The following BCAR1 variants were observed in gnomAD, a reference collection of about 807,000 sequenced individuals.
BCAR1 encodes the protein breast cancer anti-estrogen resistance protein 1.
BCAR1 carries 30 observed loss-of-function variants against 67.6 expected under a neutral mutation model. The observed-to-expected ratio is 0.44, with a 90% CI of 0.33 to 0.60. The LOEUF is 0.60. Among genes scored for constraint, BCAR1 ranks in the 20% least tolerant of loss-of-function variants. The probability of loss-of-function intolerance (pLI) is 0.02; values close to 1 mark genes in which losing one functional copy is unlikely to be tolerated. For synonymous variants in BCAR1, 626 were observed against 556.7 expected (o/e 1.12, Z -1.75); for missense variants, 1,313 against 1,222.3 (o/e 1.07, Z -1.11).
intron 1 of BCAR1, chr16:75,265,726 T>C (rs1300187297): frequency 1.7e-6 from 2 of 1,170,828 alleles, no homozygotes; most frequent in Non-Finnish European, 2.1e-6. Context: ...CGACCCCCAG[T>C]CCGGGAGCCA....
chr16:75,264,571 C>G (rs186362338), intron 1 of BCAR1: 1 of 1,356,074 alleles, frequency 7.4e-7, no homozygotes, highest in East Asian at 2.7e-5. Context: ...GGGCTCACAT[C>G]AGCACAGTCT....
rs560213338 is a variant in BCAR1, at chr16:75,238,981, C to T, written c.634-1637G>A. The T allele has an allele frequency of 6.1e-6, 6 of 985,426 alleles. No individual in the cohort carries two copies. In the East Asian group the frequency reaches 4.5e-4, roughly 75 times the overall value. The allele number at this position is 985,426 out of a possible 1,614,324, so 61.0% of individuals were successfully genotyped here. A position where few individuals can be genotyped will look rare whatever the true frequency, so the allele number is the denominator to read the frequency against. On this transcript the variant is annotated intron_variant, in intron 2 of 6. Coordinates refer to ENST00000162330, the MANE Select transcript of BCAR1 (RefSeq NM_014567.5). ...CCTCCAAAAGCACCCTGCCGGTGGC[C>T]ATCCCAACCTCACGCGGTGAGGCCC...
At chr16:75,263,054 A>T (rs1485502109) in intron 1 of BCAR1, among the ~76,000 whole-genome samples, 1 of 152,074 alleles carries the variant, frequency 6.6e-6, no homozygotes, top group Non-Finnish European at 1.5e-5. Flanking sequence ...CCCTGGCAAG[A>T]CACAGGCCCT....
intron 1 of BCAR1, among the ~76,000 whole-genome samples, chr16:75,244,852 G>A (rs533305131): frequency 6.6e-6 from 1 of 152,358 alleles, no homozygotes; most frequent in East Asian, 1.9e-4. Flanking sequence ...AGGCACTCAA[G>A]TGAAAAGCAC....
intron 6 of BCAR1, among the ~76,000 whole-genome samples, chr16:75,231,658 T>G (rs1352775546): frequency 6.6e-6 from 1 of 152,240 alleles, no homozygotes; most frequent in Non-Finnish European, 1.5e-5. Context: ...GCAAGTTATC[T>G]AAGTGATTCA....
intron 6 of BCAR1, among the ~76,000 whole-genome samples, chr16:75,230,699 A>C (rs1482380700): frequency 6.6e-6 from 1 of 151,782 alleles, no homozygotes. Flanking sequence ...CCACACCCAG[A>C]CTCAGGACTG....
At chr16:75,237,463 G>T in intron 2 of BCAR1, 119 bp from the exon 3 acceptor site, 1 of 1,252,826 alleles carries the variant, frequency 8.0e-7, no homozygotes, top group Non-Finnish European at 1.0e-6. Context: ...TGGAAGGGAC[G>T]GGGCTCCCCA....
intron 1 of BCAR1, among the ~76,000 whole-genome samples, chr16:75,257,113 G>C (rs1005513585): frequency 3.8e-4 from 58 of 152,280 alleles, no homozygotes; most frequent in African/African-American, 1.3e-3. Flanking sequence ...TCCATGGCTG[G>C]GGGCTGCCCA....
chr16:75,246,325 C>T (rs937686111), intron 1 of BCAR1: 4 of 152,296 alleles, frequency 2.6e-5, no homozygotes, highest in African/African-American at 9.6e-5. Flanking sequence ...CTGGGCTCCG[C>T]AGAGATAGCG....
chr16:75,266,907 G>A, intron 1 of BCAR1: 5 of 702,544 alleles, frequency 7.1e-6, no homozygotes, highest in Non-Finnish European at 9.9e-6. Flanking sequence ...CGGGGACCTG[G>A]GGGCAGAAAG....
intron 6 of BCAR1, among the ~76,000 whole-genome samples, chr16:75,230,859 G>A (rs1396409845): frequency 6.6e-6 from 1 of 152,190 alleles, no homozygotes; most frequent in Non-Finnish European, 1.5e-5. Context: ...CCCTTAGCCA[G>A]TGAGATACAT....
At chr16:75,238,518 G>A (rs1350714663) in intron 2 of BCAR1, 35 of 994,214 alleles carry the variant, frequency 3.5e-5, no homozygotes, top group Non-Finnish European at 3.9e-5. Flanking sequence ...TGCTTGCTGA[G>A]GGTGCTGTGA....
At chr16:75,252,384 G>T (rs547273212), upstream of BCAR1, 12 of 1,503,310 alleles carry the variant, frequency 8.0e-6, no homozygotes, top group East Asian at 3.0e-4. Context: ...AGCGACATGG[G>T]GTAGGAGAGC....
At chr16:75,247,967 C>A in intron 1 of BCAR1, 3 of 847,160 alleles carry the variant, frequency 3.5e-6, no homozygotes, top group Non-Finnish European at 6.1e-6. Context: ...AAGAACAGCA[C>A]AGTTCCTCCC....
chr16:75,257,486 T>G (rs1239978026), intron 1 of BCAR1, among the ~76,000 whole-genome samples: 1 of 151,684 alleles, frequency 6.6e-6, no homozygotes, highest in Non-Finnish European at 1.5e-5. Context: ...AAAGACAAGG[T>G]CTCTGTCACC....
chr16:75,229,642 C>T lies in BCAR1; in HGVS notation c.2482G>A (p.Ala828Thr), dbSNP rs757257597. The change falls in exon 7 of 7, where the codon GCC (alanine) becomes ACC (threonine). Residue 828 changes from alanine to threonine, a missense_variant. Coordinates refer to ENST00000162330, the MANE Select transcript of BCAR1 (RefSeq NM_014567.5). ...TGCAAGGCAGCGGCCTTGGTGGTGGCCACGATGCCGCGCAGGAGGTCGCAC... is the reference window on the plus strand; with the variant it reads ...TGCAAGGCAGCGGCCTTGGTGGTGGTCACGATGCCGCGCAGGAGGTCGCAC... ...LLCDLLRGIV[A>T]TTKAAALQYP... is the part of the protein sequence containing the mutation. The T allele has an allele frequency of 8.7e-6, 14 of 1,612,634 alleles. No individual in the cohort carries two copies. The Admixed American group carries it at 1.8e-4, about 21-fold the overall frequency.
rs537580108 is a variant in BCAR1 at position 75,266,024 on chromosome 16, C to T, written c.66+1891G>A. 1.3e-5 allele frequency: 13 copies of T among 1,026,380 alleles called. No individual in the cohort carries two copies. In the East Asian group the frequency reaches 2.8e-4, roughly 22 times the overall value. 63.6% of individuals were successfully genotyped at this position (1,026,380 alleles called of 1,614,324 possible). Reference sequence around the variant, plus strand: ...GCCGCGCATGCGCCGCCCGCGCCGCCCCCCCCACCGTCTCCGCGGCCAGGG... The same window carrying T: ...GCCGCGCATGCGCCGCCCGCGCCGCTCCCCCCACCGTCTCCGCGGCCAGGG... On this transcript the variant is annotated intron_variant, in intron 1 of 6. Transcript: ENST00000393422.
intron 1 of BCAR1, 138 bp downstream of exon 1, chr16:75,251,333 G>A (rs1372771735): frequency 8.3e-6 from 10 of 1,211,662 alleles, no homozygotes; most frequent in Non-Finnish European, 1.1e-5. Flanking sequence ...AGGGCAGAAG[G>A]AGATCCCAGG....
chr16:75,243,472 A>C, intron 1 of BCAR1: 6 of 546,086 alleles, frequency 1.1e-5, no homozygotes, highest in Non-Finnish European at 2.1e-5. Context: ...CAAATAGCAA[A>C]TGGTTCTCTC....
Sources: allele counts gnomAD v4.1 joint callset (sites outside exome capture counted in the v4.1 genomes callset), GRCh38; gene constraint gnomAD v4.1.1; transcripts MANE v1.5; gene names NCBI Gene and HGNC (gene_info 2026-07-23, HGNC 2026-07-21).